SHTN1: variants seen among roughly 807,000 people sequenced by gnomAD.
The protein encoded by SHTN1 is shootin-1.
SHTN1 carries 42 observed loss-of-function variants against 83.1 expected under a neutral mutation model. The ratio of observed to expected loss-of-function variants is 0.51; its 90% CI spans 0.39 to 0.65. SHTN1 has a LOEUF of 0.65. Ranked by LOEUF, SHTN1 falls within the 30% of genes least tolerant of loss-of-function variation. The pLI is 0.00. For missense variants in SHTN1, 622 were observed against 737.8 expected (o/e 0.84, Z 1.82); for synonymous variants, 224 against 247.7 (o/e 0.90, Z 0.90).
intron 1 of SHTN1, among the ~76,000 whole-genome samples, chr10:117,106,618 A>G (rs913756674): frequency 1.3e-5 from 2 of 152,150 alleles, no homozygotes; most frequent in African/African-American, 4.8e-5. Context: ...TGGAAGTAGA[A>G]ATAGTAGCAG....
In SHTN1 at chr10:117,073,933, G is replaced by A. The variant is rs192929567; in HGVS notation, c.-188-25423C>T. ...TGAGGTTTCTACAAATAGAGCTCCC[G>A]CTGCCTATATCCCAGAATGCCTGCA... On this transcript the variant is annotated intron_variant, in intron 1 of 17. Coordinates refer to the SHTN1 transcript ENST00000392901. Among the ~76,000 whole-genome samples, 13 of 152,128 alleles carry A rather than the reference G, an allele frequency of 8.5e-5. No individual in the cohort carries two copies. In the South Asian group the frequency reaches 1.7e-3, roughly 19 times the overall value.
upstream of SHTN1, chr10:117,005,567 C>T (rs1851990740): frequency 1.0e-6 from 1 of 996,644 alleles, no homozygotes; most frequent in Non-Finnish European, 1.2e-6. Flanking sequence ...AGAGGTAGAG[C>T]GGGACGCAAT....
chr10:117,061,980 G>C (rs752800152), intron 1 of SHTN1, among the ~76,000 whole-genome samples: 2 of 152,104 alleles, frequency 1.3e-5, no homozygotes, highest in Non-Finnish European at 2.9e-5. Context: ...AGGTTTAAAT[G>C]ATCTCCAAAC....
chr10:116,980,790 A>T (rs1850987394), intron 1 of SHTN1, among the ~76,000 whole-genome samples: 1 of 152,178 alleles, frequency 6.6e-6, no homozygotes, highest in Admixed American at 6.5e-5. Context: ...TCCTATGGTG[A>T]TCGAAAGGGT....
chr10:117,043,222 C>T (rs1852611568), intron 2 of SHTN1, among the ~76,000 whole-genome samples: 1 of 152,014 alleles, frequency 6.6e-6, no homozygotes, highest in African/African-American at 2.4e-5. Context: ...CAACCTCCGC[C>T]TCCCAGGTTC....
intron 5 of SHTN1, 44 bp downstream of exon 5, chr10:116,953,998 A>C: frequency 2.0e-6 from 3 of 1,512,702 alleles, no homozygotes; most frequent in Non-Finnish European, 2.7e-6. Context: ...GCACTATCAT[A>C]ACGGGGTAAA....
Position 116,927,806 on chromosome 10 carries a change from AG to A in SHTN1, c.1097del (p.Pro366LeufsTer11). ...PPPPPPLPPP[P>X]PNPIRSLMSM... ...GATGTGCTTACCGGATAGGATTGGG[AG>A]GTGGAGGGGGAAGTGGTGGTGGAGG... On this transcript the variant is annotated frameshift_variant, in exon 11 of 17. Coordinates refer to ENST00000355371, the MANE Select transcript of SHTN1 (RefSeq NM_001127211.3). LOFTEE classifies it high-confidence loss of function. 7.0e-7 allele frequency: 1 copy of A among 1,435,762 alleles called. No individual in the cohort carries two copies. The highest frequency in any genetic ancestry group is 9.5e-7 in the Non-Finnish European group (1 of 1,054,660). The allele number at this position is 1,435,762 out of a possible 1,614,324, so 88.9% of individuals were successfully genotyped here. A position where few individuals can be genotyped will look rare whatever the true frequency, so the allele number is the denominator to read the frequency against.
In SHTN1 at chr10:116,929,913, A is replaced by G. The variant is rs779746414; in HGVS notation, c.948T>C (p.Asp316=). The part of the protein sequence containing the change: ...LKQQLELLEE[D]KKELELKYQN... Reference sequence around the variant, plus strand: ...GATATTTCAATTCCAATTCCTTTTTATCTTCCTCTAGAAGCTCCAGTTGCT... The same window carrying G: ...GATATTTCAATTCCAATTCCTTTTTGTCTTCCTCTAGAAGCTCCAGTTGCT... Residue 316 remains aspartate, a synonymous_variant, in exon 10 of 17, where the codon GAT becomes GAC. Coordinates refer to ENST00000355371, the MANE Select transcript of SHTN1 (RefSeq NM_001127211.3). The G allele has an allele frequency of 1.2e-6, 2 of 1,609,108 alleles. No individual in the cohort carries two copies. Among genetic ancestry groups the G allele is most frequent in the South Asian group, 1.1e-5 (1 of 90,302 alleles).
At position 116,948,854 on chromosome 10, in the gene SHTN1, C is replaced by T; in HGVS notation, c.616+62G>A. The stretch of plus-strand genomic sequence containing the variant: ...TTAGGCACAGGTGTAAAATGACACA[C>T]AATATATGCAAACAGAACACACCGC... On this transcript the variant is annotated intron_variant, in intron 7 of 16. Coordinates refer to ENST00000355371, the MANE Select transcript of SHTN1 (RefSeq NM_001127211.3). 12 of 1,168,572 alleles carry T rather than the reference C, an allele frequency of 1.0e-5. 1 individual carries two copies. In the South Asian group the frequency reaches 2.3e-4, roughly 22 times the overall value. The allele number at this position is 1,168,572 out of a possible 1,614,324, so 72.4% of individuals were successfully genotyped here.
At chr10:117,084,581 G>A (rs1012062767) in intron 1 of SHTN1, among the ~76,000 whole-genome samples, 7 of 152,182 alleles carry the variant, frequency 4.6e-5, no homozygotes, top group Admixed American at 1.3e-4. Context: ...CGAGCTTCCC[G>A]GCTGCTTTGT....
chr10:116,923,631 T>C (rs1848640140), intron 11 of SHTN1, among the ~76,000 whole-genome samples: 2 of 151,964 alleles, frequency 1.3e-5, no homozygotes, highest in African/African-American at 4.8e-5. Context: ...TCACCACTCA[T>C]TGCAGCTCCG....
At chr10:117,091,161 CCTT>C (rs1340794230) in intron 1 of SHTN1, among the ~76,000 whole-genome samples, 1 of 152,178 alleles carries the variant, frequency 6.6e-6, no homozygotes, top group Non-Finnish European at 1.5e-5. Flanking sequence ...TTAAATTCTG[CCTT>C]CTTCTGAATG....
At chr10:117,022,157 G>A (rs1454251496) in intron 2 of SHTN1, among the ~76,000 whole-genome samples, 1 of 151,994 alleles carries the variant, frequency 6.6e-6, no homozygotes. Context: ...TCTCTAACGT[G>A]ATACACCATC....
At chr10:116,980,259 T>C (rs1297508654) in intron 1 of SHTN1, among the ~76,000 whole-genome samples, 1 of 152,222 alleles carries the variant, frequency 6.6e-6, no homozygotes, top group African/African-American at 2.4e-5. Context: ...GGCTGGCTTC[T>C]TGACTGGCAC....
chr10:116,924,886 T>C (rs1848688782), intron 11 of SHTN1, among the ~76,000 whole-genome samples: 1 of 151,028 alleles, frequency 6.6e-6, no homozygotes, highest in Non-Finnish European at 1.5e-5. Flanking sequence ...GCCTCCCAAG[T>C]GGCTGGGACT....
chr10:116,996,637 C>CT lies in SHTN1; in HGVS notation c.58+8384dup, dbSNP rs935924200. On this transcript the variant is annotated intron_variant, in intron 1 of 16. Coordinates refer to ENST00000355371, the MANE Select transcript of SHTN1 (RefSeq NM_001127211.3). ...GCTCTAAACATTAACCTTGCTTTTC[C>CT]TTTTTTTTCATAGAAATGTCTCTTA... 7.2e-5 allele frequency among the ~76,000 whole-genome samples: 11 copies of CT among 152,062 alleles called. No homozygotes were observed. In the East Asian group the frequency reaches 1.5e-3, roughly 21 times the overall value.
intron 16 of SHTN1, among the ~76,000 whole-genome samples, chr10:116,895,276 A>G (rs1256800121): frequency 1.3e-5 from 2 of 152,208 alleles, no homozygotes; most frequent in Admixed American, 6.5e-5. Flanking sequence ...AAAATGTTCA[A>G]TAAAATAAAA....
intron 2 of SHTN1, among the ~76,000 whole-genome samples, chr10:117,015,975 A>C (rs2133559771): frequency 6.6e-6 from 1 of 152,246 alleles, no homozygotes; most frequent in South Asian, 2.1e-4. Context: ...CATTATTTCA[A>C]GTTTCTCCTC....
chr10:116,955,971 T>C (rs1849965773), intron 4 of SHTN1, among the ~76,000 whole-genome samples: 1 of 152,214 alleles, frequency 6.6e-6, no homozygotes, highest in South Asian at 2.1e-4. Context: ...TTGTGGGTTC[T>C]TTAAACCATG....
Sources: allele counts gnomAD v4.1 joint callset (sites outside exome capture counted in the v4.1 genomes callset), GRCh38; gene constraint gnomAD v4.1.1; transcripts MANE v1.5; gene names NCBI Gene and HGNC (gene_info 2026-07-23, HGNC 2026-07-21).